Variants in HDLBP observed in about 807,000 individuals in gnomAD.
HDLBP encodes the protein vigilin.
In HDLBP, 30 loss-of-function variants were observed where a neutral mutation model predicts 137.3. That is an observed-to-expected ratio of 0.22 (90% CI 0.16 to 0.30). HDLBP has a LOEUF of 0.30. Among genes scored for constraint, HDLBP ranks in the 10% least tolerant of loss-of-function variants. HDLBP has a pLI of 1.00. For synonymous variants in HDLBP, 606 were observed against 596.0 expected, an observed-to-expected ratio of 1.02 and a Z score of -0.24; for missense variants, 1,119 against 1,667.3, an observed-to-expected ratio of 0.67 and a Z score of 5.73.
chr2:241,247,599 A>G (rs1302033507), intron 14 of HDLBP, among the ~76,000 whole-genome samples: 1 of 152,124 alleles, frequency 6.6e-6, no homozygotes, highest in Non-Finnish European at 1.5e-5. Context: ...TACTCACTAC[A>G]CTTTCTAAAC....
intron 1 of HDLBP, among the ~76,000 whole-genome samples, chr2:241,309,474 A>G (rs2075697038): frequency 6.6e-6 from 1 of 152,218 alleles, no homozygotes; most frequent in African/African-American, 2.4e-5. Flanking sequence ...AGATAAGAAC[A>G]TTAAAATACT....
chr2:241,314,514 A>G (rs536447773), intron 1 of HDLBP, among the ~76,000 whole-genome samples: 2 of 152,320 alleles, frequency 1.3e-5, no homozygotes, highest in South Asian at 4.1e-4. Context: ...CTGAGGACAT[A>G]AAACGCAAAA....
chr2:241,247,942 G>A, intron 14 of HDLBP, 61 bp downstream of exon 14: 3 of 1,167,170 alleles, frequency 2.6e-6, no homozygotes, highest in Non-Finnish European at 3.9e-6. Context: ...ACTTCTGACA[G>A]GACGCATGCC....
At chr2:241,231,882 A>G (rs1456006838) in intron 24 of HDLBP, among the ~76,000 whole-genome samples, 1 of 98,796 alleles carries the variant, frequency 1.0e-5, no homozygotes, top group African/African-American at 3.3e-5. Context: ...CAACAGGACT[A>G]GAGGACGGGG....
intron 24 of HDLBP, chr2:241,231,432 C>T (rs572628069): frequency 2.6e-5 from 4 of 152,736 alleles, no homozygotes; most frequent in South Asian, 4.1e-4. Flanking sequence ...CCTATGTCCA[C>T]TCAGCTTCCA....
At chr2:241,241,481 G>A (rs946856193) in intron 17 of HDLBP, among the ~76,000 whole-genome samples, 1 of 145,164 alleles carries the variant, frequency 6.9e-6, no homozygotes, top group African/African-American at 2.5e-5. Context: ...GCAGGAGAAT[G>A]GCGTGAACCC....
intron 1 of HDLBP, among the ~76,000 whole-genome samples, chr2:241,276,102 A>C (rs1212420476): frequency 6.6e-6 from 1 of 152,220 alleles, no homozygotes; most frequent in Non-Finnish European, 1.5e-5. Flanking sequence ...ACAGAATTAA[A>C]ATGCTTAGGC....
At position 241,256,937 on chromosome 2, in the gene HDLBP, A is replaced by G. The variant is rs1215778175; in HGVS notation, c.451-131T>C. The G allele has an allele frequency of 1.9e-5, 14 of 754,704 alleles. No homozygotes were observed. The South Asian group carries it at 1.9e-4, about 10-fold the overall frequency. The allele number at this position is 754,704 out of a possible 1,614,324, so 46.8% of individuals were successfully genotyped here. A position where few individuals can be genotyped will look rare whatever the true frequency, so the allele number is the denominator to read the frequency against. On this transcript the variant is annotated intron_variant, in intron 5 of 27. Coordinates refer to ENST00000310931, the MANE Select transcript of HDLBP (RefSeq NM_005336.6). Reference sequence around the variant, plus strand: ...CCAGCAGCACCAACTCATCCATTAAAACAGCATGAGCTTAAACATCACATG... The same window carrying G: ...CCAGCAGCACCAACTCATCCATTAAGACAGCATGAGCTTAAACATCACATG...
At position 241,255,128 on chromosome 2, in the gene HDLBP, C is replaced by A; in HGVS notation, c.1111G>T (p.Ala371Ser). Reference protein sequence around the residue: ...ANSFTVSSVAAPSWLHRFIIG... With the variant: ...ANSFTVSSVASPSWLHRFIIG... ...ATGAAACGGTGAAGCCAGGAAGGGG[C>A]GGCGACAGAGGAGACGGTGAAGCTA... The change falls in exon 9 of 28, where the codon GCC (alanine) becomes TCC (serine). Residue 371 changes from alanine to serine, a missense_variant. Physicochemically the swap from Ala to Ser is moderately conservative, Grantham distance 99. Coordinates refer to ENST00000310931, the MANE Select transcript of HDLBP (RefSeq NM_005336.6). 2 of 1,614,046 alleles carry A rather than the reference C, an allele frequency of 1.2e-6. No homozygotes were observed. Among genetic ancestry groups the A allele is most frequent in the Non-Finnish European group, 8.5e-7 (1 of 1,179,994 alleles).
intron 1 of HDLBP, chr2:241,280,024 G>A (rs2074537615): frequency 1.0e-6 from 1 of 985,272 alleles, no homozygotes; most frequent in African/African-American, 1.7e-5. Context: ...AAGGCTGTGG[G>A]AGCAGAGATG....
At chr2:241,249,273 G>A (rs922721779) in intron 12 of HDLBP, 1 of 469,688 alleles carries the variant, frequency 2.1e-6, no homozygotes, top group Non-Finnish European at 4.4e-6. Flanking sequence ...AGGCCAAAGT[G>A]CTGCTGCAGG....
At position 241,238,481 on chromosome 2, in the gene HDLBP, A is replaced by G; in HGVS notation, c.2749+168T>C. 1 of 504,464 alleles carries G rather than the reference A, an allele frequency of 2.0e-6. No individual in the cohort carries two copies. Among genetic ancestry groups the G allele is most frequent in the Non-Finnish European group, 3.4e-6 (1 of 292,924 alleles). The allele number at this position is 504,464 out of a possible 1,614,324, so 31.2% of individuals were successfully genotyped here. Reference sequence around the variant, plus strand: ...ACTCTGTCAGTAACTGACGTGGTCCATCTTTTAAAGGCCAGGGAGTGACCC... The same window carrying G: ...ACTCTGTCAGTAACTGACGTGGTCCGTCTTTTAAAGGCCAGGGAGTGACCC... On this transcript the variant is annotated intron_variant, in intron 20 of 27. Transcript: ENST00000310931. The surrounding 1 kb of genome is among the most constrained non-coding windows in gnomAD (Gnocchi z 4.9).
Position 241,257,272 on chromosome 2 carries a change from C to T in HDLBP, c.451-466G>A, listed in dbSNP as rs527701445. 9.2e-5 allele frequency among the ~76,000 whole-genome samples: 14 copies of T among 152,048 alleles called. No individual in the cohort carries two copies. In the South Asian group the frequency reaches 1.7e-3, roughly 18 times the overall value. ...TTTTTGAGACGGAGTCTCGCTCTGACGTCAGGCTGGAGTGCAGTGGTGCCA... is the reference window on the plus strand; with the variant it reads ...TTTTTGAGACGGAGTCTCGCTCTGATGTCAGGCTGGAGTGCAGTGGTGCCA... On this transcript the variant is annotated intron_variant, in intron 5 of 27. Coordinates refer to ENST00000310931, the MANE Select transcript of HDLBP (RefSeq NM_005336.6).
chr2:241,262,346 G>T (rs1189457018), intron 5 of HDLBP, among the ~76,000 whole-genome samples: 1 of 152,196 alleles, frequency 6.6e-6, no homozygotes, highest in East Asian at 1.9e-4. Context: ...CTAACTGGGA[G>T]GCTAGGTGGA....
intron 1 of HDLBP, among the ~76,000 whole-genome samples, chr2:241,299,522 A>G (rs1050668467): frequency 1.4e-5 from 2 of 146,178 alleles, no homozygotes; most frequent in African/African-American, 2.7e-5. Context: ...AAAAAAAAAA[A>G]AAAAAAAAGA....
chr2:241,277,412 G>T (rs2074429557), intron 1 of HDLBP, among the ~76,000 whole-genome samples: 1 of 152,138 alleles, frequency 6.6e-6, no homozygotes, highest in Admixed American at 6.5e-5. Flanking sequence ...TAAAAGACAA[G>T]TTCAATCTCT....
intron 1 of HDLBP, among the ~76,000 whole-genome samples, chr2:241,290,009 A>G (rs1300742096): frequency 6.6e-6 from 1 of 152,210 alleles, no homozygotes; most frequent in Non-Finnish European, 1.5e-5. Flanking sequence ...GATGGGCTGA[A>G]GAAACCACTT....
Position 241,273,351 on chromosome 2 carries a change from T to TC in HDLBP, c.-102-4811dup, listed in dbSNP as rs557843955. The TC allele has an allele frequency of 2.4e-4, 149 of 628,418 alleles. No homozygotes were observed. The South Asian group carries it at 9.1e-3, about 38-fold the overall frequency. The allele number at this position is 628,418 out of a possible 1,614,324, so 38.9% of individuals were successfully genotyped here. Reference sequence around the variant, plus strand: ...CGATTCCTTGGCAATCAACTTAATCTCCCCCCCAAAATGTAAAATCCCCTT... The same window carrying TC: ...CGATTCCTTGGCAATCAACTTAATCTCCCCCCCCAAAATGTAAAATCCCCTT... On this transcript the variant is annotated intron_variant, in intron 1 of 27. Transcript: ENST00000310931.
At chr2:241,253,184 G>A (rs2072336181) in intron 10 of HDLBP, 149 bp from the exon 11 acceptor site, 1 of 671,240 alleles carries the variant, frequency 1.5e-6, no homozygotes. Context: ...CCTGAAAGAT[G>A]CCTTCTTCAA....
Sources: allele counts gnomAD v4.1 joint callset (sites outside exome capture counted in the v4.1 genomes callset), GRCh38; gene constraint gnomAD v4.1.1; non-coding constraint Gnocchi (gnomAD v3.1); transcripts MANE v1.5; gene names NCBI Gene and HGNC (gene_info 2026-07-23, HGNC 2026-07-21).